Variants in ST6GALNAC3 observed in about 807,000 individuals in gnomAD.
The protein encoded by ST6GALNAC3 is alpha-N-acetylgalactosaminide alpha-2,6-sialyltransferase 3.
In ST6GALNAC3, 25 loss-of-function variants were observed where a neutral mutation model predicts 32.7. That is an observed-to-expected ratio of 0.76 (90% CI 0.56 to 1.07). ST6GALNAC3 has a LOEUF of 1.07. Among genes scored for constraint, ST6GALNAC3 ranks in the 50% least tolerant of loss-of-function variants. The pLI is 0.00. For synonymous variants in ST6GALNAC3, 129 were observed against 133.1 expected (o/e 0.97, Z 0.21); for missense variants, 355 against 382.4 (o/e 0.93, Z 0.60).
chr1:76,563,804 G>A (rs778400447), intron 3 of ST6GALNAC3, among the ~76,000 whole-genome samples: 1 of 152,170 alleles, frequency 6.6e-6, no homozygotes, highest in African/African-American at 2.4e-5. Flanking sequence ...ATAGTTATTA[G>A]CCTAGCATAT....
At chr1:76,146,890 GT>G (rs1320803443) in intron 1 of ST6GALNAC3, among the ~76,000 whole-genome samples, 1 of 152,102 alleles carries the variant, frequency 6.6e-6, no homozygotes, top group African/African-American at 2.4e-5. Flanking sequence ...GAAGACCAGT[GT>G]TTGATGAAAT....
intron 3 of ST6GALNAC3, among the ~76,000 whole-genome samples, chr1:76,531,030 G>A (rs538140065): frequency 1.3e-5 from 2 of 152,242 alleles, no homozygotes; most frequent in Non-Finnish European, 2.9e-5. Flanking sequence ...GAAAATCTAA[G>A]GCCAGTTGTT....
intron 3 of ST6GALNAC3, among the ~76,000 whole-genome samples, chr1:76,595,773 A>G (rs1327229681): frequency 6.6e-6 from 1 of 152,072 alleles, no homozygotes; most frequent in Non-Finnish European, 1.5e-5. Flanking sequence ...GATTTTAAAC[A>G]TTTGCATATT....
At chr1:76,313,401 T>C (rs184576084) in intron 1 of ST6GALNAC3, among the ~76,000 whole-genome samples, 17 of 152,244 alleles carry the variant, frequency 1.1e-4, no homozygotes, top group Admixed American at 1.0e-3. Flanking sequence ...CTTTAAATTA[T>C]GGGAATGATG....
chr1:76,364,027 T>G (rs1650171582), intron 2 of ST6GALNAC3, among the ~76,000 whole-genome samples: 1 of 152,194 alleles, frequency 6.6e-6, no homozygotes, highest in Admixed American at 6.5e-5. Flanking sequence ...CCAAAGCACC[T>G]TAGCTTCTTA....
chr1:76,179,919 T>C (rs995983636), intron 1 of ST6GALNAC3, among the ~76,000 whole-genome samples: 2 of 152,194 alleles, frequency 1.3e-5, no homozygotes, highest in African/African-American at 4.8e-5. Flanking sequence ...CTTATTAGAG[T>C]CAGTTTCAGA....
chr1:76,419,045 GCACA>G (rs147952829), intron 3 of ST6GALNAC3, among the ~76,000 whole-genome samples: 167 of 148,952 alleles, frequency 1.1e-3, no homozygotes, highest in Non-Finnish European at 1.5e-3. Flanking sequence ...ACCCTCATGT[GCACA>G]CACACACACA....
chr1:76,475,512 G>A (rs1659293307), intron 3 of ST6GALNAC3, among the ~76,000 whole-genome samples: 1 of 152,120 alleles, frequency 6.6e-6, no homozygotes, highest in African/African-American at 2.4e-5. Context: ...GCTTATCATT[G>A]AGACTATTTT....
At chr1:76,479,598 C>T (rs2101651160) in intron 3 of ST6GALNAC3, among the ~76,000 whole-genome samples, 1 of 152,184 alleles carries the variant, frequency 6.6e-6, no homozygotes, top group Admixed American at 6.5e-5. Flanking sequence ...TAGAAGGGGG[C>T]CAAACTCATC....
chr1:76,163,561 ATTTTC>A (rs1463576159), intron 1 of ST6GALNAC3, among the ~76,000 whole-genome samples: 2 of 152,150 alleles, frequency 1.3e-5, no homozygotes, highest in Non-Finnish European at 2.9e-5. Flanking sequence ...TGTAAGACTC[ATTTTC>A]TTTTCTTCAC....
intron 2 of ST6GALNAC3, among the ~76,000 whole-genome samples, chr1:76,399,933 A>C (rs1335226242): frequency 6.6e-6 from 1 of 152,160 alleles, no homozygotes; most frequent in Non-Finnish European, 1.5e-5. Flanking sequence ...AACTCTAATA[A>C]AAACTATAAC....
intron 1 of ST6GALNAC3, among the ~76,000 whole-genome samples, chr1:76,287,837 C>T (rs1256561917): frequency 1.3e-5 from 2 of 152,222 alleles, no homozygotes; most frequent in African/African-American, 4.8e-5. Flanking sequence ...TAGCAACACT[C>T]TTCTAAGTGT....
chr1:76,504,751 G>A (rs1369724569), intron 3 of ST6GALNAC3, among the ~76,000 whole-genome samples: 2 of 152,116 alleles, frequency 1.3e-5, no homozygotes, highest in South Asian at 2.1e-4. Context: ...TTTTAATATT[G>A]TAAGATTTAT....
intron 1 of ST6GALNAC3, among the ~76,000 whole-genome samples, chr1:76,277,850 G>T (rs983263069): frequency 2.0e-5 from 3 of 151,694 alleles, no homozygotes; most frequent in Admixed American, 6.6e-5. Flanking sequence ...GTGTGCCTTT[G>T]GTCTGTTGTC....
chr1:76,235,005 C>T (rs899199748), intron 1 of ST6GALNAC3, among the ~76,000 whole-genome samples: 3 of 152,172 alleles, frequency 2.0e-5, no homozygotes, highest in African/African-American at 7.2e-5. Flanking sequence ...AGCTTCTCTA[C>T]AGAGTCGCTG....
chr1:76,501,960 C>T (rs1037554114), intron 3 of ST6GALNAC3, among the ~76,000 whole-genome samples: 1 of 152,222 alleles, frequency 6.6e-6, no homozygotes, highest in Non-Finnish European at 1.5e-5. Context: ...AATGTTCCCA[C>T]GTTCTGAGAC....
At chr1:76,336,638 A>G (rs1411916282) in intron 2 of ST6GALNAC3, among the ~76,000 whole-genome samples, 1 of 152,142 alleles carries the variant, frequency 6.6e-6, no homozygotes, top group African/African-American at 2.4e-5. Flanking sequence ...CCACATGAAA[A>G]CAGCTGATGA....
intron 1 of ST6GALNAC3, among the ~76,000 whole-genome samples, chr1:76,301,095 C>G (rs191657349): frequency 6.6e-6 from 1 of 151,830 alleles, no homozygotes; most frequent in Non-Finnish European, 1.5e-5. Context: ...TCATAATGAC[C>G]CTTTGGTTTT....
chr1:76,507,572 AGGTTCGTCT>A (rs1183162108), intron 3 of ST6GALNAC3, among the ~76,000 whole-genome samples: 7 of 152,332 alleles, frequency 4.6e-5, no homozygotes, highest in African/African-American at 1.7e-4. Context: ...AATGTTTTCA[AGGTTCGTCT>A]GTATTGTAGC....
Sources: allele counts gnomAD v4.1 joint callset (sites outside exome capture counted in the v4.1 genomes callset), GRCh38; gene constraint gnomAD v4.1.1; transcripts MANE v1.5; gene names NCBI Gene and HGNC (gene_info 2026-07-23, HGNC 2026-07-21).